Variants in CDC40 observed in about 807,000 individuals in gnomAD.
CDC40 encodes cell division cycle 40, also known as pre-mRNA-processing factor 17.
CDC40 carries 27 observed loss-of-function variants against 80.6 expected under a neutral mutation model. The ratio of observed to expected loss-of-function variants is 0.33; its 90% CI spans 0.25 to 0.46. The LOEUF (loss-of-function observed/expected upper bound fraction) is 0.46. CDC40 is among the 20% of genes least tolerant of loss of function. The probability of loss-of-function intolerance (pLI) is 1.00; values close to 1 mark genes in which losing one functional copy is unlikely to be tolerated. For synonymous variants in CDC40, 221 were observed against 232.6 expected, an observed-to-expected ratio of 0.95 and a Z score of 0.45; for missense variants, 486 against 694.1, an observed-to-expected ratio of 0.70 and a Z score of 3.37.
In CDC40 at chr6:110,215,277, C is replaced by G; in HGVS notation, c.943-9C>G. The G allele has an allele frequency of 1.2e-6, 2 of 1,607,382 alleles. No individual in the cohort carries two copies. The highest frequency in any genetic ancestry group is 1.7e-6 in the Non-Finnish European group (2 of 1,175,716). The stretch of plus-strand genomic sequence containing the variant: ...AATATTTCCATGTGTTGTTTTTTTT[C>G]TCCCCCAGCTATGGGAGGTTTATGG... On this transcript the variant is annotated splice_polypyrimidine_tract_variant and intron_variant, in intron 8 of 14. Transcript: ENST00000307731.
chr6:110,215,216 G>A, intron 8 of CDC40, 70 bp from the exon 9 acceptor site: 4 of 1,178,962 alleles, frequency 3.4e-6, no homozygotes. Flanking sequence ...CCAGCATAGG[G>A]CTGTTGTTAT....
At chr6:110,221,764 G>A (rs1777779100) in intron 12 of CDC40, among the ~76,000 whole-genome samples, 1 of 151,966 alleles carries the variant, frequency 6.6e-6, no homozygotes, top group African/African-American at 2.4e-5. Context: ...AAATAATTGA[G>A]CAATTACAGG....
intron 11 of CDC40, 98 bp from the exon 12 acceptor site, chr6:110,219,638 C>A: frequency 7.3e-7 from 1 of 1,369,024 alleles, no homozygotes; most frequent in South Asian, 1.3e-5. Context: ...ATAAAAATAT[C>A]GTGTTGAAGA....
intron 2 of CDC40, among the ~76,000 whole-genome samples, chr6:110,193,624 C>G (rs1777380915): frequency 1.3e-5 from 2 of 152,112 alleles, no homozygotes; most frequent in South Asian, 2.1e-4. Context: ...CCAGGATGGT[C>G]TCAATCTCCT....
At chr6:110,223,364 G>C (rs1391779671) in intron 12 of CDC40, among the ~76,000 whole-genome samples, 1 of 152,174 alleles carries the variant, frequency 6.6e-6, no homozygotes, top group Admixed American at 6.5e-5. Context: ...TTAGATGAAT[G>C]AGGGGACTGG....
At chr6:110,187,237 C>A (rs1259706040) in intron 1 of CDC40, among the ~76,000 whole-genome samples, 1 of 152,218 alleles carries the variant, frequency 6.6e-6, no homozygotes, top group Non-Finnish European at 1.5e-5. Context: ...CTTTAGAAAT[C>A]ATGCAGTGGA....
At chr6:110,181,802 A>G (rs532635654) in intron 1 of CDC40, among the ~76,000 whole-genome samples, 19 of 152,156 alleles carry the variant, frequency 1.2e-4, no homozygotes, top group Non-Finnish European at 1.6e-4. Flanking sequence ...CAGGCCTTCC[A>G]GTTGTCAAGT....
intron 2 of CDC40, chr6:110,198,951 A>G (rs1777454483): frequency 6.6e-6 from 1 of 152,176 alleles, no homozygotes; most frequent in African/African-American, 2.4e-5. Context: ...AGAACAGCTG[A>G]GAAACCTATC....
At chr6:110,195,638 GCATTTAACAA>G (rs1291320387) in intron 2 of CDC40, among the ~76,000 whole-genome samples, 1 of 152,146 alleles carries the variant, frequency 6.6e-6, no homozygotes, top group Non-Finnish European at 1.5e-5. Flanking sequence ...CACAGAGTAG[GCATTTAACAA>G]ATGGTAGTCA....
intron 1 of CDC40, among the ~76,000 whole-genome samples, chr6:110,184,479 G>T (rs1262314303): frequency 1.4e-5 from 2 of 142,442 alleles, no homozygotes; most frequent in Admixed American, 7.0e-5. Flanking sequence ...TTATTTTTAT[G>T]CTGTTAATAA....
At chr6:110,228,372 AAT>A (rs1777892703) in intron 13 of CDC40, among the ~76,000 whole-genome samples, 1 of 152,114 alleles carries the variant, frequency 6.6e-6, no homozygotes. Context: ...TATAATTTTT[AAT>A]ATATCTTTTT....
intron 2 of CDC40, among the ~76,000 whole-genome samples, chr6:110,193,590 A>G (rs1777380421): frequency 6.6e-6 from 1 of 152,008 alleles, no homozygotes; most frequent in African/African-American, 2.4e-5. Flanking sequence ...TATTTTTAGT[A>G]GAGACGGGGT....
intron 2 of CDC40, among the ~76,000 whole-genome samples, chr6:110,195,330 T>A (rs1383075724): frequency 6.6e-6 from 1 of 152,106 alleles, no homozygotes; most frequent in Non-Finnish European, 1.5e-5. Flanking sequence ...GTGTTTTTTT[T>A]AAAAAGATAG....
chr6:110,230,039 G>C lies in CDC40; in HGVS notation c.1648G>C (p.Asp550His). 6.2e-7 allele frequency: 1 copy of C among 1,612,056 alleles called. No homozygotes were observed. The highest frequency in any genetic ancestry group is 8.5e-7 in the Non-Finnish European group (1 of 1,178,260). The change falls in exon 15 of 15, where the codon GAT (aspartate) becomes CAT (histidine). Residue 550 changes from aspartate (D) to histidine (H), a missense_variant. Transcript: ENST00000307731. The stretch of plus-strand genomic sequence containing the variant: ...ACTCTACAGTCGATTTAAAGCTCAT[G>C]ATAAAGTGTGTATAGGTGCAGTGTG... The part of the protein sequence containing the change: ...TKLYSRFKAH[D>H]KVCIGAVWHP...
chr6:110,225,422 T>C (rs1392679946), intron 12 of CDC40, among the ~76,000 whole-genome samples: 1 of 152,098 alleles, frequency 6.6e-6, no homozygotes, highest in African/African-American at 2.4e-5. Context: ...TTTTAATTTT[T>C]TTTTCATTCT....
chr6:110,227,297 T>C (rs1053404312), intron 13 of CDC40, among the ~76,000 whole-genome samples: 2 of 152,190 alleles, frequency 1.3e-5, no homozygotes, highest in South Asian at 2.1e-4. Context: ...TTGAAACCAC[T>C]GTCAATTCAC....
rs188793446 is a variant in CDC40, at chr6:110,198,997, G to C, written c.277-2561G>C. On this transcript the variant is annotated intron_variant, in intron 2 of 14. Coordinates refer to ENST00000307731, the MANE Select transcript of CDC40 (RefSeq NM_015891.3). ...GGGAAGAGCTGAGTCCTGCTAAGTA[G>C]CGTTCGCTGCCTTCCTCTGTTAATA... is the stretch of plus-strand genomic sequence containing the variant. 2.0e-5 allele frequency: 3 copies of C among 152,240 alleles called. No individual in the cohort carries two copies. The East Asian group carries it at 5.8e-4, about 29-fold the overall frequency. 9.4% of individuals were successfully genotyped at this position (152,240 alleles called of 1,614,324 possible).
intron 11 of CDC40, 97 bp from the exon 12 acceptor site, chr6:110,219,639 G>A (rs926979645): frequency 1.3e-5 from 18 of 1,376,342 alleles, no homozygotes; most frequent in Admixed American, 4.1e-5. Flanking sequence ...TAAAAATATC[G>A]TGTTGAAGAT....
At chr6:110,189,544 A>T (rs900255661) in intron 1 of CDC40, among the ~76,000 whole-genome samples, 2 of 152,152 alleles carry the variant, frequency 1.3e-5, no homozygotes, top group African/African-American at 4.8e-5. Context: ...TCTATCACCC[A>T]TTCTTACCTT....
Sources: gnomAD v4.1 joint callset for allele counts (sites outside exome capture counted in the v4.1 genomes callset) on GRCh38, gnomAD v4.1.1 for gene constraint, MANE v1.5 for transcripts, NCBI Gene and HGNC (gene_info 2026-07-23, HGNC 2026-07-21) for gene names.